The following DDX42 variants were observed in gnomAD, a reference collection of about 807,000 sequenced individuals.
DDX42 encodes the protein DEAD-box helicase 42, also known as ATP-dependent RNA helicase DDX42.
A neutral mutation model predicts 101.5 loss-of-function variants in DDX42; 22 were observed. The ratio of observed to expected loss-of-function variants is 0.22; its 90% CI spans 0.15 to 0.31. DDX42 has a LOEUF of 0.31. Ranked by LOEUF, DDX42 falls within the 10% of genes least tolerant of loss-of-function variation. The pLI is 1.00. For missense variants in DDX42, 849 were observed against 1,199.9 expected, an observed-to-expected ratio of 0.71 and a Z score of 4.32; for synonymous variants, 402 against 401.2, an observed-to-expected ratio of 1.00 and a Z score of -0.02.
chr17:63,789,056 C>G (rs2039586571), intron 2 of DDX42, among the ~76,000 whole-genome samples: 1 of 152,014 alleles, frequency 6.6e-6, no homozygotes, highest in Non-Finnish European at 1.5e-5. Flanking sequence ...GCACATGCCA[C>G]CATACCCTGC....
chr17:63,805,691 A>G (rs1278985925), intron 7 of DDX42: 1 of 153,328 alleles, frequency 6.5e-6, no homozygotes, highest in Non-Finnish European at 1.5e-5. Flanking sequence ...GATAGATGGT[A>G]AATGAAACAC....
At position 63,798,028 on chromosome 17, in the gene DDX42, GT is replaced by G; in HGVS notation, c.373-7del. On this transcript the variant is annotated splice_polypyrimidine_tract_variant and intron_variant, in intron 3 of 17. Coordinates refer to ENST00000389924, the MANE Select transcript of DDX42 (RefSeq NM_203499.3). ...TTGATGTCATTCTATACAGCCTTTT[GT>G]TTCATTAGGATCAGGCAGCTAGAGA... The G allele has an allele frequency of 1.9e-6, 3 of 1,607,604 alleles. No individual in the cohort carries two copies. Among genetic ancestry groups the G allele is most frequent in the Non-Finnish European group, 2.5e-6 (3 of 1,177,406 alleles).
At chr17:63,778,031 G>T (rs117937033) in intron 1 of DDX42, among the ~76,000 whole-genome samples, 63 of 152,314 alleles carry the variant, frequency 4.1e-4, no homozygotes, top group African/African-American at 1.5e-3. Context: ...CTATGGAATT[G>T]AGGAGAGTGA....
chr17:63,818,216 G>A lies in DDX42; in HGVS notation c.2635G>A (p.Asp879Asn). The stretch of plus-strand genomic sequence containing the variant: ...GCATGGGGAGAACCGGGGTGCAAAT[G>A]ATGGTCGGAATGGGGAAAGCAGGAA... ...GRHGENRGAN[D>N]GRNGESRKEA... The change falls in exon 18 of 18, where the codon GAT becomes AAT. Residue 879 changes from aspartate (D) to asparagine (N), a missense_variant. Physicochemically the swap from Asp to Asn is conservative, Grantham distance 23. Coordinates refer to ENST00000389924, the MANE Select transcript of DDX42 (RefSeq NM_203499.3). The A allele has an allele frequency of 6.2e-7, 1 of 1,614,058 alleles. No individual in the cohort carries two copies. The highest frequency in any genetic ancestry group is 1.1e-5 in the South Asian group (1 of 91,072).
intron 6 of DDX42, 57 bp downstream of exon 6, chr17:63,800,674 T>G: frequency 1.9e-6 from 3 of 1,583,722 alleles, no homozygotes; most frequent in Non-Finnish European, 2.6e-6. Flanking sequence ...TTACTTCAGC[T>G]TTAACATTTA....
intron 15 of DDX42, among the ~76,000 whole-genome samples, chr17:63,813,688 G>A (rs763185167): frequency 6.6e-6 from 1 of 152,086 alleles, no homozygotes; most frequent in Admixed American, 6.5e-5. Flanking sequence ...AAAATCTGTC[G>A]CTGTAATTTC....
At chr17:63,795,834 C>T (rs2039686191) in intron 3 of DDX42, among the ~76,000 whole-genome samples, 1 of 152,166 alleles carries the variant, frequency 6.6e-6, no homozygotes, top group Non-Finnish European at 1.5e-5. Context: ...GAAGAATATA[C>T]ACCTAATAGG....
In DDX42 at chr17:63,800,629, CT is replaced by C. The variant is rs1410113146; in HGVS notation, c.621+14del. 1 of 1,609,802 alleles carries C rather than the reference CT, an allele frequency of 6.2e-7. No homozygotes were observed. Among genetic ancestry groups the C allele is most frequent in the South Asian group, 1.1e-5 (1 of 90,032 alleles). On this transcript the variant is annotated intron_variant, in intron 6 of 17. Transcript: ENST00000389924. ...TTGATCATTCAGAGGTATGGTGTTTCTTGCTGAATTTTACTCTTGTTTCAAG... is the reference window on the plus strand; with the variant it reads ...TTGATCATTCAGAGGTATGGTGTTTCTGCTGAATTTTACTCTTGTTTCAAG...
chr17:63,775,947 A>G (rs977370748), intron 1 of DDX42: 16 of 152,234 alleles, frequency 1.1e-4, no homozygotes, highest in Non-Finnish European at 1.6e-4. Context: ...GGATGCTTCT[A>G]AAATAACCAT....
At chr17:63,775,331 C>T (rs1211202472) in intron 1 of DDX42, among the ~76,000 whole-genome samples, 2 of 151,938 alleles carry the variant, frequency 1.3e-5, no homozygotes, top group African/African-American at 4.9e-5. Context: ...TATTCTCTAG[C>T]GCCGTTCTAG....
chr17:63,790,639 A>G (rs953129032), intron 2 of DDX42, among the ~76,000 whole-genome samples: 1 of 152,168 alleles, frequency 6.6e-6, no homozygotes, highest in Non-Finnish European at 1.5e-5. Context: ...CGGCGCATAT[A>G]ATCCCAGCTA....
intron 12 of DDX42, 102 bp from the exon 13 acceptor site, chr17:63,810,974 C>G: frequency 1.2e-6 from 1 of 854,398 alleles, no homozygotes; most frequent in Non-Finnish European, 1.8e-6. Context: ...TTCAGGTGAG[C>G]TTATGTAAAA....
At chr17:63,785,687 A>C (rs1421353969) in intron 1 of DDX42, among the ~76,000 whole-genome samples, 6 of 152,174 alleles carry the variant, frequency 3.9e-5, no homozygotes, top group Non-Finnish European at 5.9e-5. Context: ...ATGAATGCAC[A>C]AGAAATTTCT....
chr17:63,796,069 C>G (rs2039689109), intron 3 of DDX42, among the ~76,000 whole-genome samples: 1 of 152,126 alleles, frequency 6.6e-6, no homozygotes, highest in Admixed American at 6.5e-5. Flanking sequence ...GAATTGTCAT[C>G]TTTGAGATGT....
At chr17:63,778,229 A>G (rs2039444113) in intron 1 of DDX42, among the ~76,000 whole-genome samples, 1 of 152,180 alleles carries the variant, frequency 6.6e-6, no homozygotes, top group Non-Finnish European at 1.5e-5. Flanking sequence ...TCATCATTTT[A>G]TGCTTTACTA....
At chr17:63,815,430 CT>C (rs1267517355) in intron 15 of DDX42, 132 bp from the exon 16 acceptor site, 6 of 568,334 alleles carry the variant, frequency 1.1e-5, no homozygotes, top group Admixed American at 9.9e-5. Flanking sequence ...GTGAAAATTC[CT>C]CCCTTAGCGT....
intron 2 of DDX42, among the ~76,000 whole-genome samples, chr17:63,791,481 T>C (rs2039626782): frequency 6.6e-6 from 1 of 152,090 alleles, no homozygotes; most frequent in South Asian, 2.1e-4. Flanking sequence ...CTGGCTAATT[T>C]TGTATTTTTA....
At chr17:63,793,251 C>CT (rs549123731) in intron 3 of DDX42, among the ~76,000 whole-genome samples, 130 of 147,152 alleles carry the variant, frequency 8.8e-4, no homozygotes, top group African/African-American at 2.2e-3. Flanking sequence ...TTTCCTTTCT[C>CT]TTTTTTTTTT....
intron 17 of DDX42, chr17:63,817,298 T>G: frequency 5.9e-6 from 2 of 337,214 alleles, no homozygotes; most frequent in East Asian, 1.2e-4. Context: ...GAAGCAAAAT[T>G]TACTGATAGT....
Sources: gnomAD v4.1 joint callset for allele counts (sites outside exome capture counted in the v4.1 genomes callset) on GRCh38, gnomAD v4.1.1 for gene constraint, MANE v1.5 for transcripts, NCBI Gene and HGNC (gene_info 2026-07-23, HGNC 2026-07-21) for gene names.